The following GPM6A variants were observed in gnomAD, a reference collection of about 807,000 sequenced individuals.
GPM6A encodes the protein glycoprotein M6A.
Under a neutral mutation model 32.1 loss-of-function variants are expected in GPM6A, and 7 were observed. The observed-to-expected ratio is 0.22, with a 90% confidence interval of 0.12 to 0.41. GPM6A has a LOEUF of 0.41. GPM6A is among the 10% of genes least tolerant of loss of function. The probability of loss-of-function intolerance (pLI) is 1.00; values close to 1 mark genes in which losing one functional copy is unlikely to be tolerated. For synonymous variants in GPM6A, 130 were observed against 123.4 expected (o/e 1.05, Z -0.35); for missense variants, 235 against 347.2 (o/e 0.68, Z 2.57).
At chr4:175,811,871 C>A in intron 1 of GPM6A, 2 of 203,454 alleles carry the variant, frequency 9.8e-6, no homozygotes, top group Non-Finnish European at 9.8e-6. Context: ...GATCCCTTGA[C>A]CCAGCTCGGC....
intron 1 of GPM6A, among the ~76,000 whole-genome samples, chr4:175,969,333 T>C (rs1357441694): frequency 1.3e-5 from 2 of 152,148 alleles, no homozygotes; most frequent in African/African-American, 2.4e-5. Flanking sequence ...TAATAGTAGA[T>C]AGGTATCATC....
chr4:175,960,056 G>A (rs72704558), intron 1 of GPM6A, among the ~76,000 whole-genome samples: 1,860 of 152,166 alleles, frequency 0.012, 17 homozygotes, highest in South Asian at 0.032. Context: ...TGGTTACATC[G>A]TCACTAAGTA....
intron 1 of GPM6A, among the ~76,000 whole-genome samples, chr4:175,774,320 T>C (rs908823693): frequency 6.6e-6 from 1 of 152,104 alleles, no homozygotes; most frequent in African/African-American, 2.4e-5. Flanking sequence ...ACATCATATC[T>C]AATGTAACTC....
intron 1 of GPM6A, among the ~76,000 whole-genome samples, chr4:175,720,727 CCCACTA>C (rs566500267): frequency 1.2e-3 from 188 of 152,132 alleles, no homozygotes; most frequent in African/African-American, 4.0e-3. Context: ...GTCAAGTTCA[CCCACTA>C]AAATGTCTAC....
chr4:175,819,838 C>A (rs1735219288), intron 1 of GPM6A, among the ~76,000 whole-genome samples: 1 of 152,194 alleles, frequency 6.6e-6, no homozygotes, highest in Non-Finnish European at 1.5e-5. Flanking sequence ...AAACATTTAA[C>A]TGCTTCCCAT....
At chr4:175,928,568 G>A (rs1263383985) in intron 1 of GPM6A, among the ~76,000 whole-genome samples, 1 of 152,152 alleles carries the variant, frequency 6.6e-6, no homozygotes, top group Non-Finnish European at 1.5e-5. Flanking sequence ...CACAAAAGAG[G>A]AGTGTATTGC....
intron 1 of GPM6A, among the ~76,000 whole-genome samples, chr4:175,766,372 C>T (rs1240125197): frequency 6.6e-6 from 1 of 152,084 alleles, no homozygotes; most frequent in Non-Finnish European, 1.5e-5. Context: ...GGAAAACATT[C>T]GCTCAGTAAA....
chr4:175,944,645 C>G (rs992317594), intron 1 of GPM6A, among the ~76,000 whole-genome samples: 1 of 152,214 alleles, frequency 6.6e-6, no homozygotes, highest in Admixed American at 6.5e-5. Flanking sequence ...ACATCTCCCT[C>G]ATTTTCATAG....
intron 3 of GPM6A, among the ~76,000 whole-genome samples, chr4:175,652,696 T>G (rs999537984): frequency 1.3e-5 from 2 of 152,082 alleles, no homozygotes; most frequent in African/African-American, 4.8e-5. Context: ...CTAGATAGAA[T>G]TGAATAAAAT....
chr4:175,966,501 G>A (rs1740338840), intron 1 of GPM6A, among the ~76,000 whole-genome samples: 2 of 151,176 alleles, frequency 1.3e-5, no homozygotes, highest in Admixed American at 1.3e-4. Context: ...GAGGTGTGGA[G>A]GTGGGGCCTT....
intron 1 of GPM6A, among the ~76,000 whole-genome samples, chr4:175,998,556 A>G (rs1195081695): frequency 6.6e-6 from 1 of 152,240 alleles, no homozygotes; most frequent in Non-Finnish European, 1.5e-5. Context: ...TATTCTATCA[A>G]GGAACCCACT....
At chr4:175,848,478 C>T (rs540552904) in intron 1 of GPM6A, among the ~76,000 whole-genome samples, 6 of 152,070 alleles carry the variant, frequency 3.9e-5, no homozygotes, top group Non-Finnish European at 7.4e-5. Context: ...CAATACATTA[C>T]CGAAAATTCT....
chr4:175,829,510 T>A (rs1735539703), intron 1 of GPM6A, among the ~76,000 whole-genome samples: 1 of 151,706 alleles, frequency 6.6e-6, no homozygotes, highest in African/African-American at 2.4e-5. Flanking sequence ...TATAGTTGGA[T>A]GCCAAGTGAA....
chr4:175,649,697 G>A (rs1029079066), intron 4 of GPM6A, among the ~76,000 whole-genome samples: 3 of 152,128 alleles, frequency 2.0e-5, no homozygotes, highest in African/African-American at 7.2e-5. Flanking sequence ...AGATTAAACC[G>A]AAGCTCTGAG....
chr4:175,688,576 C>T (rs377538979), intron 2 of GPM6A, among the ~76,000 whole-genome samples: 15 of 151,922 alleles, frequency 9.9e-5, no homozygotes, highest in African/African-American at 3.1e-4. Flanking sequence ...ATACCAGACT[C>T]TAGGGTTCAA....
intron 1 of GPM6A, among the ~76,000 whole-genome samples, chr4:175,795,525 G>A (rs1185907641): frequency 6.6e-6 from 1 of 152,076 alleles, no homozygotes; most frequent in African/African-American, 2.4e-5. Context: ...CAAGGAGGGA[G>A]GATTGCTTGA....
chr4:175,713,264 A>G (rs533410597), intron 1 of GPM6A, among the ~76,000 whole-genome samples: 58 of 152,146 alleles, frequency 3.8e-4, no homozygotes, highest in African/African-American at 1.2e-3. Flanking sequence ...ATGCGATGGC[A>G]GGATCTTGGC....
chr4:175,974,252 A>AAT (rs1180733607), intron 1 of GPM6A, among the ~76,000 whole-genome samples: 1 of 152,058 alleles, frequency 6.6e-6, no homozygotes, highest in East Asian at 1.9e-4. Context: ...TAAATAAATA[A>AAT]AAATAAAAAT....
chr4:175,890,412 A>G (rs180702911), intron 1 of GPM6A, among the ~76,000 whole-genome samples: 106 of 152,294 alleles, frequency 7.0e-4, no homozygotes, highest in Admixed American at 1.4e-3. Context: ...ATGTCCACGT[A>G]TATTTAGGAG....
Sources: gnomAD v4.1 joint callset for allele counts (sites outside exome capture counted in the v4.1 genomes callset) on GRCh38, gnomAD v4.1.1 for gene constraint, MANE v1.5 for transcripts, NCBI Gene and HGNC (gene_info 2026-07-23, HGNC 2026-07-21) for gene names.